DNAH11: variants seen among roughly 807,000 people sequenced by gnomAD.
The protein encoded by DNAH11 is axonemal beta dynein heavy chain 11.
Under a neutral mutation model 526.0 loss-of-function variants are expected in DNAH11, and 442 were observed. The ratio of observed to expected loss-of-function variants is 0.84; its 90% CI spans 0.78 to 0.91. The LOEUF (loss-of-function observed/expected upper bound fraction) is 0.91. Among genes scored for constraint, DNAH11 ranks in the 40% least tolerant of loss-of-function variants. DNAH11 has a pLI of 0.00. For synonymous variants in DNAH11, 2,461 were observed against 1,935.9 expected (o/e 1.27, Z -7.12); for missense variants, 6,989 against 5,448.7 (o/e 1.28, Z -8.90).
At chr7:21,846,368 ATCT>A (rs1200729271) in intron 66 of DNAH11, among the ~76,000 whole-genome samples, 1 of 152,102 alleles carries the variant, frequency 6.6e-6, no homozygotes, top group Non-Finnish European at 1.5e-5. Context: ...CTTCTTTTAG[ATCT>A]TCTTTATCAC....
rs202034810 is a variant in DNAH11, at chr7:21,658,841, C to T, written c.5138C>T (p.Thr1713Met). The change falls in exon 30 of 82, where the codon ACG (threonine) becomes ATG (methionine). Residue 1713 changes from threonine to methionine, a missense_variant. Transcript: ENST00000409508. ...CAACTTGAACAGACTATGCAAGAAACGGTGCGTCATTCTATAACAGAAGCC... is the reference window on the plus strand; with the variant it reads ...CAACTTGAACAGACTATGCAAGAAATGGTGCGTCATTCTATAACAGAAGCC... ...LLQLEQTMQE[T>M]VRHSITEAIV... 6.9e-5 allele frequency: 111 copies of T among 1,601,942 alleles called. No individual in the cohort carries two copies. The African/African-American group carries it at 1.2e-3, about 18-fold the overall frequency.
chr7:21,880,567 A>G, intron 74 of DNAH11, 135 bp from the exon 75 acceptor site: 1 of 828,488 alleles, frequency 1.2e-6, no homozygotes, highest in Admixed American at 2.5e-5. Flanking sequence ...TTCTCATTGG[A>G]TAAGTAGCCA....
At chr7:21,751,627 T>A (rs1786415954) in intron 54 of DNAH11, among the ~76,000 whole-genome samples, 1 of 152,196 alleles carries the variant, frequency 6.6e-6, no homozygotes, top group Non-Finnish European at 1.5e-5. Flanking sequence ...GCTATAGAGC[T>A]GGAGTATTTA....
rs1784837740 is a variant in DNAH11 at position 21,901,402 on chromosome 7, G to GTCAT, written c.*148_*149insTCAT. The stretch of plus-strand genomic sequence containing the variant: ...AACGCTATCCTTAGAGTGAAAGTCA[G>GTCAT]AAAAAAATACTAGAAACTAACTCAG... On this transcript the variant is annotated 3_prime_UTR_variant, in exon 82 of 82. Transcript: ENST00000409508. 8.7e-7 allele frequency: 1 copy of GTCAT among 1,154,594 alleles called. No individual in the cohort carries two copies. The allele number at this position is 1,154,594 out of a possible 1,614,324, so 71.5% of individuals were successfully genotyped here. A position where few individuals can be genotyped will look rare whatever the true frequency, so the allele number is the denominator to read the frequency against.
chr7:21,721,863 A>C (rs1387271795), intron 44 of DNAH11, among the ~76,000 whole-genome samples: 3 of 152,124 alleles, frequency 2.0e-5, no homozygotes, highest in Non-Finnish European at 4.4e-5. Context: ...AACCAGTCTC[A>C]CACACTATTC....
chr7:21,552,615 G>A (rs926675748), intron 2 of DNAH11, among the ~76,000 whole-genome samples: 3 of 152,080 alleles, frequency 2.0e-5, no homozygotes, highest in Middle Eastern at 3.2e-3. Context: ...TATAACAACT[G>A]GGTTCCCCTG....
intron 62 of DNAH11, among the ~76,000 whole-genome samples, chr7:21,802,450 C>G (rs917922156): frequency 3.9e-5 from 6 of 152,090 alleles, no homozygotes; most frequent in African/African-American, 1.4e-4. Flanking sequence ...CCACATGATA[C>G]AATCATCTAC....
chr7:21,652,857 A>AG (rs1311887591), intron 28 of DNAH11, among the ~76,000 whole-genome samples: 2 of 150,940 alleles, frequency 1.3e-5, no homozygotes, highest in East Asian at 3.9e-4. Context: ...ACGAAGTATT[A>AG]GTTTTTTTTA....
rs372526334 is a variant in DNAH11 at position 21,601,536 on chromosome 7, T to C, written c.3566T>C (p.Leu1189Pro). 2.1e-5 allele frequency: 34 copies of C among 1,613,216 alleles called. No homozygotes were observed. Among genetic ancestry groups the C allele is most frequent in the Non-Finnish European group, 2.8e-5 (33 of 1,179,494 alleles). The change falls in exon 18 of 82, where the codon CTC (leucine) becomes CCC (proline). Residue 1189 changes from leucine to proline, a missense_variant. By Grantham distance (98) the Leu-to-Pro change is moderately conservative. Transcript: ENST00000409508. Reference sequence around the variant, plus strand: ...AGCCGACAGAGAGCTACTGATGAACTCTTTGAACCTCTAAAAGAAACGATC... The same window carrying C: ...AGCCGACAGAGAGCTACTGATGAACCCTTTGAACCTCTAAAAGAAACGATC... ...VRSRQRATDELFEPLKETITL... is the reference protein window; with the variant it reads ...VRSRQRATDEPFEPLKETITL...
intron 9 of DNAH11, among the ~76,000 whole-genome samples, chr7:21,586,209 C>A (rs775705434): frequency 1.3e-5 from 2 of 152,128 alleles, no homozygotes; most frequent in Non-Finnish European, 2.9e-5. Context: ...AGCTAGGAAG[C>A]TTCTGGTATT....
chr7:21,613,715 G>A (rs139468152), intron 20 of DNAH11, among the ~76,000 whole-genome samples: 1,633 of 152,292 alleles, frequency 0.011, 19 homozygotes, highest in South Asian at 0.056. Flanking sequence ...GATGAAGTAT[G>A]TGAGATAATG....
At chr7:21,550,488 G>A (rs1348298768) in intron 2 of DNAH11, among the ~76,000 whole-genome samples, 1 of 152,194 alleles carries the variant, frequency 6.6e-6, no homozygotes, top group Admixed American at 6.5e-5. Context: ...ACTTGTAGAG[G>A]GATAATCCCA....
At chr7:21,614,810 C>T (rs1045844957) in intron 20 of DNAH11, among the ~76,000 whole-genome samples, 1 of 151,996 alleles carries the variant, frequency 6.6e-6, no homozygotes, top group African/African-American at 2.4e-5. Context: ...CCCCAGCTCT[C>T]GGTACAAAAA....
chr7:21,543,228 C>T lies in DNAH11; in HGVS notation c.-18C>T, dbSNP rs981140256. ...GTGAGGAGCCAGCCGGCCTCGCGTT[C>T]CCTCGGACGGTTGCCCAATGGCAGC... On this transcript the variant is annotated 5_prime_UTR_variant, in exon 1 of 82. Coordinates refer to ENST00000409508, the MANE Select transcript of DNAH11 (RefSeq NM_001277115.2). 1 of 1,513,296 alleles carries T rather than the reference C, an allele frequency of 6.6e-7. No individual in the cohort carries two copies. The allele number at this position is 1,513,296 out of a possible 1,614,324, so 93.7% of individuals were successfully genotyped here.
At chr7:21,665,640 T>C (rs1047526872) in intron 30 of DNAH11, among the ~76,000 whole-genome samples, 3 of 152,174 alleles carry the variant, frequency 2.0e-5, no homozygotes, top group Non-Finnish European at 2.9e-5. Context: ...TTAAAATCTT[T>C]TAAAAGTTTT....
At chr7:21,831,763 A>T (rs544468796) in intron 65 of DNAH11, among the ~76,000 whole-genome samples, 6 of 152,306 alleles carry the variant, frequency 3.9e-5, no homozygotes, top group Admixed American at 3.9e-4. Context: ...TACGGAGGTT[A>T]ACTCAGATAC....
chr7:21,625,390 A>G (rs1314400921), intron 25 of DNAH11, among the ~76,000 whole-genome samples: 1 of 152,040 alleles, frequency 6.6e-6, no homozygotes, highest in African/African-American at 2.4e-5. Context: ...ATTTTGAGTT[A>G]TCTCCCTTCT....
At chr7:21,724,327 T>A (rs2965418) in intron 44 of DNAH11, among the ~76,000 whole-genome samples, 66,092 of 152,026 alleles carry the variant, frequency 0.43, 15,252 homozygotes, top group South Asian at 0.52. Flanking sequence ...GGTAGAAGGA[T>A]GCTCTCAGCT....
rs572445886 is a variant in DNAH11, at chr7:21,895,799, G to A, written c.13049+800G>A. Among the ~76,000 whole-genome samples, 15 of 152,168 alleles carry A rather than the reference G, an allele frequency of 9.9e-5. No individual in the cohort carries two copies. The East Asian group carries it at 1.5e-3, about 16-fold the overall frequency. On this transcript the variant is annotated intron_variant, in intron 79 of 81. Coordinates refer to ENST00000409508, the MANE Select transcript of DNAH11 (RefSeq NM_001277115.2). ...GGCTGGAGTGCAGTGGCGCGATCTC[G>A]GCTCACTGCAAGCTCTGCCTGCCGG...
Sources: gnomAD v4.1 joint callset for allele counts (sites outside exome capture counted in the v4.1 genomes callset) on GRCh38, gnomAD v4.1.1 for gene constraint, MANE v1.5 for transcripts, NCBI Gene and HGNC (gene_info 2026-07-23, HGNC 2026-07-21) for gene names.